Variants in SDK1 observed in about 807,000 individuals in gnomAD.
SDK1 encodes protein sidekick-1.
SDK1 carries 157 observed loss-of-function variants against 245.5 expected under a neutral mutation model. That is an observed-to-expected ratio of 0.64 (90% CI 0.56 to 0.73). SDK1 has a LOEUF of 0.73. Ranked by LOEUF, SDK1 falls within the 30% of genes least tolerant of loss-of-function variation. The pLI is 0.00. For synonymous variants in SDK1, 1,647 were observed against 1,278.5 expected, an observed-to-expected ratio of 1.29 and a Z score of -6.15; for missense variants, 3,583 against 3,002.3, an observed-to-expected ratio of 1.19 and a Z score of -4.52.
chr7:3,920,732 A>G lies in SDK1; in HGVS notation c.848-30191A>G, dbSNP rs549101848. 5.9e-5 allele frequency among the ~76,000 whole-genome samples: 9 copies of G among 151,632 alleles called. No homozygotes were observed. In the South Asian group the frequency reaches 1.9e-3, roughly 31 times the overall value. On this transcript the variant is annotated intron_variant, in intron 5 of 44. Coordinates refer to ENST00000404826, the MANE Select transcript of SDK1 (RefSeq NM_152744.4). ...CTAATGGCCTCAGATAAGATGACCC[A>G]GGGTAAAGGGAGACTATGCAGAGGG...
At chr7:4,001,911 C>G (rs969049626) in intron 14 of SDK1, among the ~76,000 whole-genome samples, 2 of 152,236 alleles carry the variant, frequency 1.3e-5, no homozygotes, top group African/African-American at 4.8e-5. Context: ...AGGTCTCTCT[C>G]ACAATGTTCT....
At position 3,700,231 on chromosome 7, in the gene SDK1, T is replaced by C. The variant is rs569541843; in HGVS notation, c.713+58126T>C. ...AAGCACTCCATAAACGATTTTTTAT[T>C]TTTATTAAGATGAGAGTTATCTTGG... On this transcript the variant is annotated intron_variant, in intron 4 of 44. Transcript: ENST00000404826. Among the ~76,000 whole-genome samples the C allele has an allele frequency of 2.9e-3, 440 of 152,302 alleles. 1 individual carries two copies. Among genetic ancestry groups the C allele is most frequent in the Non-Finnish European group, 4.8e-3 (324 of 68,012 alleles).
intron 4 of SDK1, among the ~76,000 whole-genome samples, chr7:3,696,846 TA>T (rs765384572): frequency 1.8e-4 from 28 of 152,080 alleles, no homozygotes; most frequent in Non-Finnish European, 3.8e-4. Flanking sequence ...TTTGATTGTT[TA>T]TAATACTGTA....
intron 5 of SDK1, among the ~76,000 whole-genome samples, chr7:3,849,626 T>A (rs1355118342): frequency 3.3e-5 from 5 of 152,212 alleles, no homozygotes; most frequent in African/African-American, 1.2e-4. Flanking sequence ...TTCTGACTAG[T>A]GAATTTCAAT....
intron 5 of SDK1, among the ~76,000 whole-genome samples, chr7:3,850,837 A>G (rs1385347795): frequency 7.1e-6 from 1 of 140,304 alleles, no homozygotes; most frequent in Non-Finnish European, 1.5e-5. Context: ...GAAGGGGAAC[A>G]TCACACACCG....
chr7:4,180,447 AGCACCCGGCTCCAGCTCTATGCCCT>A (rs1782537588), intron 35 of SDK1, among the ~76,000 whole-genome samples: 1 of 143,122 alleles, frequency 7.0e-6, no homozygotes, highest in Non-Finnish European at 1.5e-5. Context: ...CTCTATGCCC[AGCACCCGGCTCCAGCTCTATGCCCT>A]GTGCCTGGCT....
chr7:3,439,254 CTT>C (rs1427458544), intron 1 of SDK1, among the ~76,000 whole-genome samples: 2 of 152,122 alleles, frequency 1.3e-5, no homozygotes, highest in South Asian at 4.1e-4. Context: ...TAAATAAACT[CTT>C]TTATTTCCCC....
intron 5 of SDK1, among the ~76,000 whole-genome samples, chr7:3,872,971 A>G (rs2097899): frequency 0.23 from 35,115 of 152,084 alleles, 4,326 homozygotes; most frequent in Middle Eastern, 0.32. Flanking sequence ...TTAACCAGTC[A>G]GTAATCTTTT....
chr7:3,395,460 CAG>C (rs921055409), intron 1 of SDK1, among the ~76,000 whole-genome samples: 24 of 151,900 alleles, frequency 1.6e-4, no homozygotes, highest in African/African-American at 5.1e-4. Context: ...GCTTTGCTAT[CAG>C]GGTGTTATTG....
intron 4 of SDK1, among the ~76,000 whole-genome samples, chr7:3,721,849 A>G (rs1449818943): frequency 1.3e-5 from 2 of 152,118 alleles, no homozygotes; most frequent in Non-Finnish European, 2.9e-5. Flanking sequence ...AACTTCATGA[A>G]CTGTCGGCCA....
At chr7:3,778,244 T>C (rs999373149) in intron 4 of SDK1, among the ~76,000 whole-genome samples, 9 of 152,188 alleles carry the variant, frequency 5.9e-5, no homozygotes, top group East Asian at 3.8e-4. Flanking sequence ...GGTTTTTTTT[T>C]CCTAACTTAT....
chr7:3,854,650 A>G (rs1780497065), intron 5 of SDK1, among the ~76,000 whole-genome samples: 1 of 152,234 alleles, frequency 6.6e-6, no homozygotes, highest in Admixed American at 6.5e-5. Flanking sequence ...GTTCATGAGA[A>G]AACATAGAAG....
chr7:3,609,454 G>A (rs139558463), intron 1 of SDK1, among the ~76,000 whole-genome samples: 4,730 of 152,114 alleles, frequency 0.031, 219 homozygotes, highest in African/African-American at 0.1. Flanking sequence ...AGGCTGGAGC[G>A]CAGTGGTGTG....
intron 2 of SDK1, among the ~76,000 whole-genome samples, chr7:3,634,316 A>G (rs987282540): frequency 6.6e-6 from 1 of 152,202 alleles, no homozygotes; most frequent in Non-Finnish European, 1.5e-5. Flanking sequence ...TGCCTCATAA[A>G]GAAATTCTAG....
At chr7:4,105,592 A>C (rs1048516140) in intron 22 of SDK1, among the ~76,000 whole-genome samples, 13 of 152,214 alleles carry the variant, frequency 8.5e-5, no homozygotes, top group Non-Finnish European at 1.9e-4. Flanking sequence ...GGCGTGAGCC[A>C]CCACGCCTGG....
chr7:4,107,000 C>T (rs1782967410), intron 22 of SDK1, among the ~76,000 whole-genome samples: 1 of 151,786 alleles, frequency 6.6e-6, no homozygotes, highest in Admixed American at 6.6e-5. Flanking sequence ...CCATACATGC[C>T]GAGCATCCAG....
intron 1 of SDK1, among the ~76,000 whole-genome samples, chr7:3,482,842 A>G (rs916551835): frequency 2.6e-5 from 4 of 152,244 alleles, no homozygotes; most frequent in Non-Finnish European, 4.4e-5. Flanking sequence ...CATAAAATGT[A>G]CATCTTGATT....
chr7:3,891,849 G>A (rs778961044), intron 5 of SDK1, among the ~76,000 whole-genome samples: 5 of 152,118 alleles, frequency 3.3e-5, no homozygotes, highest in Non-Finnish European at 7.4e-5. Flanking sequence ...TGAAAATGTT[G>A]TATTTTCTCT....
At chr7:4,186,640 A>G (rs567391383) in intron 35 of SDK1, among the ~76,000 whole-genome samples, 2 of 152,152 alleles carry the variant, frequency 1.3e-5, no homozygotes, top group East Asian at 3.9e-4. Context: ...GGTTGGGGTG[A>G]ATCAGGAGGA....
Sources: allele counts gnomAD v4.1 joint callset (sites outside exome capture counted in the v4.1 genomes callset), GRCh38; gene constraint gnomAD v4.1.1; transcripts MANE v1.5; gene names NCBI Gene and HGNC (gene_info 2026-07-23, HGNC 2026-07-21).